CDH13: variants seen among roughly 807,000 people sequenced by gnomAD.
CDH13 encodes the protein cadherin-13.
A neutral mutation model predicts 63.8 loss-of-function variants in CDH13; 24 were observed. That is an observed-to-expected ratio of 0.38 (90% CI 0.27 to 0.53). The LOEUF is 0.53. Among genes scored for constraint, CDH13 ranks in the 20% least tolerant of loss-of-function variants. CDH13 has a pLI of 0.85. For synonymous variants in CDH13, 503 were observed against 355.3 expected (o/e 1.42, Z -4.67); for missense variants, 1,049 against 903.1 (o/e 1.16, Z -2.07).
At chr16:83,008,346 A>G (rs1913759911) in intron 2 of CDH13, among the ~76,000 whole-genome samples, 1 of 152,304 alleles carries the variant, frequency 6.6e-6, no homozygotes, top group African/African-American at 2.4e-5. Context: ...GAAGTTAGGA[A>G]GTTATGCAGG....
intron 13 of CDH13, among the ~76,000 whole-genome samples, chr16:83,789,355 G>GTTT (rs1286829291): frequency 1.9e-5 from 2 of 104,016 alleles, no homozygotes; most frequent in Non-Finnish European, 2.1e-5. Flanking sequence ...TTGTTTGTCT[G>GTTT]TTTTGTTTTA....
At chr16:83,289,181 C>T (rs1046719766) in intron 5 of CDH13, among the ~76,000 whole-genome samples, 1 of 151,412 alleles carries the variant, frequency 6.6e-6, no homozygotes, top group South Asian at 2.1e-4. Flanking sequence ...TCACTGTCTG[C>T]ATATGAATGT....
chr16:83,752,556 T>C lies in CDH13; in HGVS notation c.1681+4306T>C, dbSNP rs188504786. 5.7e-4 allele frequency among the ~76,000 whole-genome samples: 87 copies of C among 152,344 alleles called. 1 individual carries two copies. Among genetic ancestry groups the C allele is most frequent in the African/African-American group, 2.0e-3 (82 of 41,584 alleles). On this transcript the variant is annotated intron_variant, in intron 11 of 13. Transcript: ENST00000567109. ...CTTCCGCCATACCACTTACTAGCTA[T>C]CTGATTTTGAAGAAATAATTTACAA... is the stretch of plus-strand genomic sequence containing the variant.
intron 11 of CDH13, among the ~76,000 whole-genome samples, chr16:83,772,518 C>G (rs1914827321): frequency 6.6e-6 from 1 of 152,192 alleles, no homozygotes; most frequent in African/African-American, 2.4e-5. Flanking sequence ...TCAGCAGAAA[C>G]TCCCGGCATC....
rs118138752 is a variant in CDH13 at position 82,681,094 on chromosome 16, A to G, written c.45+53957A>G. Reference sequence around the variant, plus strand: ...AGGGGCTTGCCCAGCACTATCAGCAATCTGCAAAAAGATATTCTTGGGAAG... The same window carrying G: ...AGGGGCTTGCCCAGCACTATCAGCAGTCTGCAAAAAGATATTCTTGGGAAG... On this transcript the variant is annotated intron_variant, in intron 1 of 13. Coordinates refer to ENST00000567109, the MANE Select transcript of CDH13 (RefSeq NM_001257.5). 9.6e-4 allele frequency among the ~76,000 whole-genome samples: 146 copies of G among 152,328 alleles called. 1 individual carries two copies. The highest frequency in any genetic ancestry group is 1.4e-3 in the Non-Finnish European group (98 of 68,016).
At chr16:82,931,206 C>G (rs888669612) in intron 2 of CDH13, among the ~76,000 whole-genome samples, 7 of 152,316 alleles carry the variant, frequency 4.6e-5, no homozygotes, top group East Asian at 1.9e-4. Context: ...AAAAGCATAT[C>G]TAGCCTTATT....
intron 6 of CDH13, among the ~76,000 whole-genome samples, chr16:83,388,187 C>T (rs1489027604): frequency 1.3e-5 from 2 of 150,786 alleles, no homozygotes; most frequent in Admixed American, 1.3e-4. Flanking sequence ...GGCATGGTGG[C>T]TTATGGCTGT....
intron 4 of CDH13, among the ~76,000 whole-genome samples, chr16:83,164,720 C>CAAAAAAAAA (rs771135269): frequency 1.4e-5 from 2 of 138,816 alleles, no homozygotes; most frequent in African/African-American, 2.9e-5. Flanking sequence ...GACTCTGTCT[C>CAAAAAAAAA]AAAAAAAGAA....
chr16:82,745,207 G>A (rs553602256), intron 1 of CDH13, among the ~76,000 whole-genome samples: 1 of 152,178 alleles, frequency 6.6e-6, no homozygotes, highest in African/African-American at 2.4e-5. Context: ...AGTTGTGTGC[G>A]TGGGGCGATG....
chr16:82,712,963 T>C (rs1405776528), intron 1 of CDH13, among the ~76,000 whole-genome samples: 1 of 152,164 alleles, frequency 6.6e-6, no homozygotes, highest in Non-Finnish European at 1.5e-5. Flanking sequence ...GGAATTTCTC[T>C]CTATTGACCC....
At chr16:83,352,858 C>G (rs898219153) in intron 6 of CDH13, among the ~76,000 whole-genome samples, 19 of 152,156 alleles carry the variant, frequency 1.2e-4, no homozygotes, top group Non-Finnish European at 2.4e-4. Flanking sequence ...ACACTGCACT[C>G]CAGCCTGGGC....
At chr16:82,707,112 C>T (rs2031557276) in intron 1 of CDH13, among the ~76,000 whole-genome samples, 1 of 152,212 alleles carries the variant, frequency 6.6e-6, no homozygotes, top group Non-Finnish European at 1.5e-5. Flanking sequence ...GGTTGTTTTG[C>T]TTCCTAAAGC....
At chr16:83,021,619 A>G (rs1047775361) in intron 2 of CDH13, among the ~76,000 whole-genome samples, 16 of 152,210 alleles carry the variant, frequency 1.1e-4, no homozygotes, top group African/African-American at 3.9e-4. Flanking sequence ...TCATTATGAT[A>G]TCTTCTGCTG....
intron 7 of CDH13, among the ~76,000 whole-genome samples, chr16:83,519,226 C>G (rs1248136193): frequency 1.3e-5 from 2 of 152,162 alleles, no homozygotes; most frequent in African/African-American, 2.4e-5. Context: ...CTTGTCTTGT[C>G]TCAGCCTAAC....
chr16:83,285,818 T>C (rs796799257), intron 5 of CDH13, among the ~76,000 whole-genome samples: 43 of 152,246 alleles, frequency 2.8e-4, no homozygotes, highest in African/African-American at 1.0e-3. Flanking sequence ...GTTTTATTAA[T>C]CATATTTGTA....
chr16:82,707,214 C>T (rs985097567), intron 1 of CDH13, among the ~76,000 whole-genome samples: 1 of 152,338 alleles, frequency 6.6e-6, no homozygotes, highest in Non-Finnish European at 1.5e-5. Context: ...TGATTCTTTT[C>T]TCCATTAACT....
chr16:82,961,869 G>A (rs987558526), intron 2 of CDH13, among the ~76,000 whole-genome samples: 1 of 152,202 alleles, frequency 6.6e-6, no homozygotes, highest in African/African-American at 2.4e-5. Context: ...GTAGAGGTCA[G>A]TGATGCTTTT....
chr16:83,099,141 T>A (rs997064670), intron 3 of CDH13, among the ~76,000 whole-genome samples: 1 of 152,178 alleles, frequency 6.6e-6, no homozygotes, highest in Non-Finnish European at 1.5e-5. Context: ...CTAAGATATA[T>A]AAGATCCTAT....
intron 5 of CDH13, among the ~76,000 whole-genome samples, chr16:83,341,989 CCACACACACACACACA>C (rs756844839): frequency 3.5e-4 from 48 of 138,150 alleles, no homozygotes; most frequent in Non-Finnish European, 4.8e-4. Flanking sequence ...GTGTCCCCTG[CCACACACACACACACA>C]CACACACACA....
Sources: gnomAD v4.1 joint callset for allele counts (sites outside exome capture counted in the v4.1 genomes callset) on GRCh38, gnomAD v4.1.1 for gene constraint, MANE v1.5 for transcripts, NCBI Gene and HGNC (gene_info 2026-07-23, HGNC 2026-07-21) for gene names.